ATP2C2: variants seen among roughly 807,000 people sequenced by gnomAD.
The protein encoded by ATP2C2 is calcium-transporting ATPase type 2C member 2.
A neutral mutation model predicts 110.8 loss-of-function variants in ATP2C2; 171 were observed. The ratio of observed to expected loss-of-function variants is 1.54; its 90% CI spans 1.36 to 1.75. The LOEUF (loss-of-function observed/expected upper bound fraction) is 1.75. Among genes scored for constraint, ATP2C2 ranks in the 40% most tolerant of loss-of-function variants. The pLI, the probability that ATP2C2 is intolerant of heterozygous loss-of-function variation, is 0.00. For missense variants in ATP2C2, 1,963 were observed against 1,235.0 expected (o/e 1.59, Z -8.84); for synonymous variants, 804 against 508.4 (o/e 1.58, Z -7.82).
chr16:84,429,386 C>G (rs1169165305), intron 11 of ATP2C2, among the ~76,000 whole-genome samples: 1 of 152,162 alleles, frequency 6.6e-6, no homozygotes, highest in African/African-American at 2.4e-5. Flanking sequence ...CTCCTGACCT[C>G]AGGTGATCCA....
At chr16:84,405,709 C>G (rs1000266277) in intron 3 of ATP2C2, among the ~76,000 whole-genome samples, 2 of 146,636 alleles carry the variant, frequency 1.4e-5, no homozygotes, top group Admixed American at 6.6e-5. Flanking sequence ...CACTTGAGCC[C>G]AGGAGTTCAA....
intron 11 of ATP2C2, among the ~76,000 whole-genome samples, chr16:84,437,917 C>G (rs1421386834): frequency 6.6e-6 from 1 of 152,216 alleles, no homozygotes; most frequent in Non-Finnish European, 1.5e-5. Flanking sequence ...AATCGCTCAT[C>G]TTTCTTTCTT....
At chr16:84,392,066 A>G (rs559102897) in intron 1 of ATP2C2, among the ~76,000 whole-genome samples, 29 of 151,832 alleles carry the variant, frequency 1.9e-4, no homozygotes, top group Non-Finnish European at 3.8e-4. Flanking sequence ...TTAATTTTGT[A>G]TTTTGTATTG....
At chr16:84,460,498 C>G in intron 23 of ATP2C2, 156 bp from the exon 24 acceptor site, 1 of 990,438 alleles carries the variant, frequency 1.0e-6, no homozygotes, top group Non-Finnish European at 1.6e-6. Context: ...CTGGAAGGTG[C>G]CGAGGAGGGC....
intron 11 of ATP2C2, among the ~76,000 whole-genome samples, chr16:84,431,688 A>C (rs1475054290): frequency 6.6e-6 from 1 of 152,158 alleles, no homozygotes; most frequent in Non-Finnish European, 1.5e-5. Flanking sequence ...CTCTGTGAGC[A>C]GAATGAGATG....
chr16:84,398,020 T>C (rs757360246), intron 1 of ATP2C2, among the ~76,000 whole-genome samples: 1 of 151,790 alleles, frequency 6.6e-6, no homozygotes, highest in African/African-American at 2.4e-5. Context: ...ACCAGTCATA[T>C]CTGTTTCTTA....
chr16:84,413,978 G>C lies in ATP2C2; in HGVS notation c.516-1505G>C, dbSNP rs939338653. On this transcript the variant is annotated intron_variant, in intron 6 of 26. Transcript: ENST00000262429. ...GCCAGTGAAGAACAAGATGACCTTGGAATTGTCCAGGTACACAAAAGCCAA... is the reference window on the plus strand; with the variant it reads ...GCCAGTGAAGAACAAGATGACCTTGCAATTGTCCAGGTACACAAAAGCCAA... Among the ~76,000 whole-genome samples the C allele has an allele frequency of 5.9e-5, 9 of 152,088 alleles. No individual in the cohort carries two copies. The East Asian group carries it at 1.7e-3, about 29-fold the overall frequency.
chr16:84,369,889 C>T (rs984864588), intron 1 of ATP2C2, among the ~76,000 whole-genome samples: 2 of 152,188 alleles, frequency 1.3e-5, no homozygotes, highest in Non-Finnish European at 2.9e-5. Context: ...CTCGATTTTT[C>T]TGAAGTGGCA....
At chr16:84,460,891 C>A (rs991461180) in intron 24 of ATP2C2, 90 bp downstream of exon 24, 1 of 1,473,000 alleles carries the variant, frequency 6.8e-7, no homozygotes, top group Admixed American at 2.1e-5. Context: ...CCACAGCTCA[C>A]ATCTGGGAGA....
At chr16:84,415,145 C>T (rs1485341950) in intron 6 of ATP2C2, among the ~76,000 whole-genome samples, 1 of 152,106 alleles carries the variant, frequency 6.6e-6, no homozygotes, top group East Asian at 1.9e-4. Context: ...GCTGTGTGCT[C>T]TGAGGACAAA....
At chr16:84,395,792 G>A (rs1209552772) in intron 1 of ATP2C2, among the ~76,000 whole-genome samples, 2 of 151,358 alleles carry the variant, frequency 1.3e-5, no homozygotes, top group Non-Finnish European at 2.9e-5. Context: ...GAGCCACTGT[G>A]TCTGGCCCTT....
Position 84,446,312 on chromosome 16 carries a change from T to A in ATP2C2, c.1402-17T>A. On this transcript the variant is annotated splice_polypyrimidine_tract_variant and intron_variant, in intron 15 of 26. Coordinates refer to ENST00000262429, the MANE Select transcript of ATP2C2 (RefSeq NM_014861.4). ...CTTCGGATGACTCACTAAAAATGTG[T>A]CATTTTATTATGCTAGATGGACTTA... 6.7e-7 allele frequency: 1 copy of A among 1,488,006 alleles called. No individual in the cohort carries two copies. The highest frequency in any genetic ancestry group is 9.2e-7 in the Non-Finnish European group (1 of 1,091,080). The allele number at this position is 1,488,006 out of a possible 1,614,324, so 92.2% of individuals were successfully genotyped here. A position where few individuals can be genotyped will look rare whatever the true frequency, so the allele number is the denominator to read the frequency against.
At chr16:84,435,887 G>A (rs1597831351) in intron 11 of ATP2C2, among the ~76,000 whole-genome samples, 1 of 152,056 alleles carries the variant, frequency 6.6e-6, no homozygotes, top group Non-Finnish European at 1.5e-5. Context: ...CCACCACTTT[G>A]GGAGGCCGAG....
rs775805571 is a variant in ATP2C2, at chr16:84,459,083, G to T, written c.2148-37G>T. The T allele has an allele frequency of 2.2e-5, 36 of 1,609,224 alleles. No individual in the cohort carries two copies. In the Admixed American group the frequency reaches 4.2e-4, roughly 19 times the overall value. On this transcript the variant is annotated intron_variant, in intron 21 of 26. Coordinates refer to ENST00000262429, the MANE Select transcript of ATP2C2 (RefSeq NM_014861.4). ...ATGCACTGGTCCAGCCCTCACGCAG[G>T]CCCGCTCCGTGAGTAAATGGCTCTC...
intron 1 of ATP2C2, among the ~76,000 whole-genome samples, chr16:84,377,670 T>G (rs1482316204): frequency 6.6e-6 from 1 of 152,148 alleles, no homozygotes; most frequent in Non-Finnish European, 1.5e-5. Context: ...AGGCCCCAGC[T>G]TTAAATATAG....
rs776953922 is a variant in ATP2C2 at position 84,405,251 on chromosome 16, C to G, written c.327+7C>G. The G allele has an allele frequency of 7.0e-5, 112 of 1,604,598 alleles. 1 individual carries two copies. Among genetic ancestry groups the G allele is most frequent in the Non-Finnish European group, 8.7e-5 (102 of 1,172,586 alleles). ...GAAGAAATACCTGGATCAGGTAGGA[C>G]CAGAGGTGTCATTCTTTGCATTAAC... On this transcript the variant is annotated splice_region_variant and intron_variant, in intron 3 of 26. Coordinates refer to ENST00000262429, the MANE Select transcript of ATP2C2 (RefSeq NM_014861.4).
At chr16:84,419,755 T>C (rs1450372845) in intron 7 of ATP2C2, among the ~76,000 whole-genome samples, 1 of 152,130 alleles carries the variant, frequency 6.6e-6, no homozygotes, top group African/African-American at 2.4e-5. Flanking sequence ...GAGGACACCG[T>C]GCAGGAAGCA....
chr16:84,447,583 TTTAATA>T (rs1355874810), intron 16 of ATP2C2, among the ~76,000 whole-genome samples: 1 of 150,020 alleles, frequency 6.7e-6, no homozygotes, highest in Non-Finnish European at 1.5e-5. Flanking sequence ...AAGATTTTCT[TTTAATA>T]TTATGTCTTA....
In ATP2C2 at chr16:84,394,615, G is replaced by A. The variant is rs146483917; in HGVS notation, c.100-3884G>A. On this transcript the variant is annotated intron_variant, in intron 1 of 26. Transcript: ENST00000262429. ...TAGAAGCCAGAAGTCAAAACTCAAG[G>A]AGTCAGGAGGGCTGTGCTCTCTCTG... is the stretch of plus-strand genomic sequence containing the variant. 7.4e-4 allele frequency among the ~76,000 whole-genome samples: 112 copies of A among 152,144 alleles called. 2 individuals are homozygous for A. Among genetic ancestry groups the A allele is most frequent in the African/African-American group, 2.6e-3 (108 of 41,458 alleles).
Sources: allele counts gnomAD v4.1 joint callset (sites outside exome capture counted in the v4.1 genomes callset), GRCh38; gene constraint gnomAD v4.1.1; transcripts MANE v1.5; gene names NCBI Gene and HGNC (gene_info 2026-07-23, HGNC 2026-07-21).